BMP2K: variants seen among roughly 807,000 people sequenced by gnomAD.
BMP2K encodes the protein BMP-2-inducible protein kinase.
BMP2K carries 74 observed loss-of-function variants against 116.0 expected under a neutral mutation model. The observed-to-expected ratio is 0.64, with a 90% CI of 0.53 to 0.77. The LOEUF (loss-of-function observed/expected upper bound fraction) is 0.77. BMP2K is among the 30% of genes least tolerant of loss of function. The probability of loss-of-function intolerance (pLI) is 0.00; values close to 1 mark genes in which losing one functional copy is unlikely to be tolerated. For missense variants in BMP2K, 1,365 were observed against 1,403.6 expected (o/e 0.97, Z 0.44); for synonymous variants, 486 against 502.5 (o/e 0.97, Z 0.44).
At chr4:78,779,403 C>T (rs1727398669) in intron 1 of BMP2K, among the ~76,000 whole-genome samples, 1 of 152,192 alleles carries the variant, frequency 6.6e-6, no homozygotes, top group Non-Finnish European at 1.5e-5. Context: ...AGCACTTTAG[C>T]ACTACGCTTA....
At chr4:78,781,897 A>G (rs914782924) in intron 1 of BMP2K, among the ~76,000 whole-genome samples, 4 of 152,188 alleles carry the variant, frequency 2.6e-5, no homozygotes, top group African/African-American at 9.7e-5. Context: ...CTAGAGAGGT[A>G]TGAGGAATAC....
At chr4:78,796,305 A>AT (rs1307293249) in intron 1 of BMP2K, among the ~76,000 whole-genome samples, 1 of 148,826 alleles carries the variant, frequency 6.7e-6, no homozygotes, top group Admixed American at 6.9e-5. Context: ...CAAACACCGC[A>AT]TATTCTCACT....
intron 7 of BMP2K, among the ~76,000 whole-genome samples, chr4:78,855,833 C>G (rs374380695): frequency 6.6e-6 from 1 of 152,106 alleles, no homozygotes; most frequent in African/African-American, 2.4e-5. Context: ...ATTATTTCTT[C>G]GTGGCTAAGT....
chr4:78,891,582 A>G (rs1733442972), intron 15 of BMP2K, among the ~76,000 whole-genome samples: 1 of 151,904 alleles, frequency 6.6e-6, no homozygotes, highest in Admixed American at 6.6e-5. Flanking sequence ...TGTCTTTTAT[A>G]TTTGCATCTT....
chr4:78,784,610 A>G (rs1727651291), intron 1 of BMP2K, among the ~76,000 whole-genome samples: 1 of 152,188 alleles, frequency 6.6e-6, no homozygotes, highest in Non-Finnish European at 1.5e-5. Flanking sequence ...CTACAGAGAG[A>G]CTTTGTTTTT....
chr4:78,834,387 G>T (rs1460787129), intron 3 of BMP2K, among the ~76,000 whole-genome samples: 1 of 148,252 alleles, frequency 6.7e-6, no homozygotes, highest in Non-Finnish European at 1.5e-5. Context: ...TCAGCCTCCC[G>T]AGTAGCTGGG....
At chr4:78,787,351 TCCTAGC>T (rs1727777606) in intron 1 of BMP2K, among the ~76,000 whole-genome samples, 1 of 152,240 alleles carries the variant, frequency 6.6e-6, no homozygotes, top group African/African-American at 2.4e-5. Flanking sequence ...ATTTTTGGAC[TCCTAGC>T]CTGTTTTATT....
intron 13 of BMP2K, among the ~76,000 whole-genome samples, chr4:78,874,810 A>T (rs542484796): frequency 6.6e-6 from 1 of 152,338 alleles, no homozygotes; most frequent in South Asian, 2.1e-4. Flanking sequence ...TATATTAATT[A>T]CTATAGCACT....
chr4:78,801,239 T>G (rs1228676339), intron 1 of BMP2K, among the ~76,000 whole-genome samples: 1 of 152,108 alleles, frequency 6.6e-6, no homozygotes, highest in Non-Finnish European at 1.5e-5. Context: ...AGTCAGCTTC[T>G]CTTGTTTGAA....
chr4:78,776,813 C>A, intron 1 of BMP2K, 92 bp downstream of exon 1: 1 of 1,106,408 alleles, frequency 9.0e-7, no homozygotes, highest in South Asian at 4.4e-5. Flanking sequence ...CGGACTGACT[C>A]TTATACCCCA....
intron 6 of BMP2K, 93 bp from the exon 7 acceptor site, chr4:78,850,831 A>T (rs1731215031): frequency 7.3e-7 from 1 of 1,365,894 alleles, no homozygotes; most frequent in African/African-American, 1.5e-5. Context: ...CAGTATAGAA[A>T]CATGACTTTT....
At chr4:78,851,353 A>T (rs1033216945) in intron 7 of BMP2K, among the ~76,000 whole-genome samples, 3 of 152,006 alleles carry the variant, frequency 2.0e-5, no homozygotes, top group Non-Finnish European at 4.4e-5. Context: ...GAATATTTTA[A>T]TTTTTCTTCC....
In BMP2K at chr4:78,888,677, A is replaced by G. The variant is rs17003480; in HGVS notation, c.2062+1393A>G. Among the ~76,000 whole-genome samples the G allele has an allele frequency of 6.4e-3, 982 of 152,278 alleles. 12 individuals are homozygous for G. Among genetic ancestry groups the G allele is most frequent in the African/African-American group, 0.023 (945 of 41,552 alleles). ...CCCTTATTTGGAGGTTGGCCTAAAGATTTTGTACTTCGCAACATGTTCACA... is the reference window on the plus strand; with the variant it reads ...CCCTTATTTGGAGGTTGGCCTAAAGGTTTTGTACTTCGCAACATGTTCACA... On this transcript the variant is annotated intron_variant, in intron 15 of 15. Coordinates refer to ENST00000502613, the MANE Select transcript of BMP2K (RefSeq NM_198892.2).
chr4:78,812,656 C>T (rs978284434), intron 1 of BMP2K, among the ~76,000 whole-genome samples: 1 of 152,236 alleles, frequency 6.6e-6, no homozygotes, highest in Non-Finnish European at 1.5e-5. Context: ...ATGCAACCCA[C>T]TGCATATGAA....
intron 11 of BMP2K, 52 bp from the exon 12 acceptor site, chr4:78,871,798 G>T (rs1732367865): frequency 3.3e-6 from 4 of 1,220,970 alleles, no homozygotes; most frequent in Non-Finnish European, 4.8e-6. Context: ...TTAAAAAAGG[G>T]CTCTGACACA....
intron 15 of BMP2K, among the ~76,000 whole-genome samples, chr4:78,897,133 AT>A (rs1385738752): frequency 6.6e-6 from 1 of 152,106 alleles, no homozygotes; most frequent in East Asian, 1.9e-4. Flanking sequence ...AGCATAAGAT[AT>A]TGCTGATGGC....
At chr4:78,851,806 AT>A (rs1462821186) in intron 7 of BMP2K, among the ~76,000 whole-genome samples, 2 of 152,102 alleles carry the variant, frequency 1.3e-5, no homozygotes, top group Non-Finnish European at 2.9e-5. Flanking sequence ...GTGTGAAATT[AT>A]TTATAAGAGT....
intron 1 of BMP2K, among the ~76,000 whole-genome samples, chr4:78,819,275 A>G (rs774894295): frequency 3.0e-4 from 45 of 152,110 alleles, no homozygotes; most frequent in Non-Finnish European, 5.7e-4. Context: ...TGTTGGTATT[A>G]CAGGTGTGAT....
chr4:78,872,552 G>A (rs1207967003), intron 12 of BMP2K, 62 bp from the exon 13 acceptor site: 29 of 1,434,670 alleles, frequency 2.0e-5, no homozygotes, highest in Non-Finnish European at 2.7e-5. Context: ...GTAAATAGAT[G>A]CAGTGCTGAC....
Sources: allele counts gnomAD v4.1 joint callset (sites outside exome capture counted in the v4.1 genomes callset), GRCh38; gene constraint gnomAD v4.1.1; transcripts MANE v1.5; gene names NCBI Gene and HGNC (gene_info 2026-07-23, HGNC 2026-07-21).